Variants in GULP1 observed in about 807,000 individuals in gnomAD.
The protein encoded by GULP1 is GULP PTB domain containing engulfment adaptor 1.
A neutral mutation model predicts 40.9 loss-of-function variants in GULP1; 19 were observed. The observed-to-expected ratio is 0.46, with a 90% CI of 0.32 to 0.68. The LOEUF (loss-of-function observed/expected upper bound fraction) is 0.68, where lower values mean the gene tolerates loss of function less well. Among genes scored for constraint, GULP1 ranks in the 30% least tolerant of loss-of-function variants. GULP1 has a pLI of 0.03. For synonymous variants in GULP1, 119 were observed against 117.6 expected (o/e 1.01, Z -0.08); for missense variants, 312 against 362.2 (o/e 0.86, Z 1.12).
intron 1 of GULP1, among the ~76,000 whole-genome samples, chr2:188,348,887 C>A (rs1471409836): frequency 6.6e-6 from 1 of 152,078 alleles, no homozygotes; most frequent in African/African-American, 2.4e-5. Context: ...GCAATAGTTG[C>A]CTAAGTATGA....
intron 1 of GULP1, among the ~76,000 whole-genome samples, chr2:188,378,333 A>C (rs953374275): frequency 6.6e-6 from 1 of 152,134 alleles, no homozygotes; most frequent in Non-Finnish European, 1.5e-5. Context: ...ATGGGCAAAA[A>C]AAATTATAAG....
At chr2:188,575,742 G>T (rs1700047220) in intron 9 of GULP1, among the ~76,000 whole-genome samples, 1 of 83,812 alleles carries the variant, frequency 1.2e-5, no homozygotes, top group African/African-American at 3.4e-5. Flanking sequence ...ACAGGCAATG[G>T]CAAAGGATTG....
At chr2:188,390,479 G>T (rs1170403213) in intron 2 of GULP1, among the ~76,000 whole-genome samples, 2 of 151,856 alleles carry the variant, frequency 1.3e-5, no homozygotes, top group Non-Finnish European at 2.9e-5. Flanking sequence ...TTTTCTTGCT[G>T]ATTTATTTAA....
chr2:188,502,696 A>C (rs1026011680), intron 4 of GULP1, among the ~76,000 whole-genome samples: 2 of 151,948 alleles, frequency 1.3e-5, no homozygotes, highest in African/African-American at 4.8e-5. Flanking sequence ...AAAATTGTGC[A>C]GTAATTTAAT....
chr2:188,378,170 G>A (rs1274593499), intron 1 of GULP1, among the ~76,000 whole-genome samples: 2 of 151,644 alleles, frequency 1.3e-5, no homozygotes, highest in Non-Finnish European at 2.9e-5. Flanking sequence ...TCCTGTCAAG[G>A]CAACATAGTT....
intron 9 of GULP1, among the ~76,000 whole-genome samples, chr2:188,574,650 AAAAC>A (rs985847379): frequency 6.6e-6 from 1 of 152,098 alleles, no homozygotes; most frequent in South Asian, 2.1e-4. Flanking sequence ...CCCTGTCTCA[AAAAC>A]AAACAAACAA....
rs527311349 is a variant in GULP1 at position 188,563,102 on chromosome 2, T to G, written c.400-6137T>G. Among the ~76,000 whole-genome samples the G allele has an allele frequency of 9.8e-4, 149 of 152,164 alleles. 1 individual carries two copies. The highest frequency in any genetic ancestry group is 1.2e-3 in the Non-Finnish European group (84 of 67,928). On this transcript the variant is annotated intron_variant, in intron 7 of 11. Transcript: ENST00000409830. ...AAAATTAATCATTTTAGTCCTGACA[T>G]AAAGTTAAATGAAAACAAGAAAAAC... is the stretch of plus-strand genomic sequence containing the variant.
At chr2:188,374,942 A>G (rs2048109171) in intron 1 of GULP1, among the ~76,000 whole-genome samples, 1 of 152,188 alleles carries the variant, frequency 6.6e-6, no homozygotes, top group Non-Finnish European at 1.5e-5. Context: ...AACAGTTTAA[A>G]TGGTAAAATA....
intron 2 of GULP1, among the ~76,000 whole-genome samples, chr2:188,401,004 T>C (rs1350959281): frequency 6.6e-6 from 1 of 151,404 alleles, no homozygotes; most frequent in Non-Finnish European, 1.5e-5. Flanking sequence ...GAATCAGTTT[T>C]GGATATTTCT....
intron 2 of GULP1, among the ~76,000 whole-genome samples, chr2:188,468,302 T>G (rs892788387): frequency 1.3e-5 from 2 of 152,186 alleles, no homozygotes; most frequent in African/African-American, 4.8e-5. Flanking sequence ...TATAGTTTTG[T>G]TACTCAGATG....
intron 1 of GULP1, among the ~76,000 whole-genome samples, chr2:188,326,062 G>A (rs2040719887): frequency 6.6e-6 from 1 of 152,016 alleles, no homozygotes; most frequent in South Asian, 2.1e-4. Context: ...TGGGTTTTTA[G>A]TACTTCCTGA....
chr2:188,461,586 G>C (rs1038433488), intron 2 of GULP1, among the ~76,000 whole-genome samples: 2 of 151,792 alleles, frequency 1.3e-5, no homozygotes, highest in African/African-American at 2.4e-5. Flanking sequence ...ATTATAGGCT[G>C]AACCACCGTG....
At chr2:188,578,661 C>T (rs1211771016) in intron 9 of GULP1, among the ~76,000 whole-genome samples, 2 of 151,868 alleles carry the variant, frequency 1.3e-5, no homozygotes, top group African/African-American at 4.8e-5. Flanking sequence ...AATTTTTGAG[C>T]ACAGAATTCC....
chr2:188,469,763 A>G (rs1039709309), intron 2 of GULP1, among the ~76,000 whole-genome samples: 1 of 152,106 alleles, frequency 6.6e-6, no homozygotes, highest in Non-Finnish European at 1.5e-5. Context: ...TTATCATGAA[A>G]GATGTTGAAT....
chr2:188,385,793 A>G (rs188477060), intron 2 of GULP1, among the ~76,000 whole-genome samples: 3 of 152,246 alleles, frequency 2.0e-5, no homozygotes, highest in East Asian at 1.9e-4. Flanking sequence ...TCTTTCCTAA[A>G]ACATAACAAG....
At chr2:188,575,279 G>T (rs1699947891) in intron 9 of GULP1, among the ~76,000 whole-genome samples, 1 of 152,072 alleles carries the variant, frequency 6.6e-6, no homozygotes, top group East Asian at 1.9e-4. Context: ...GTATACATTT[G>T]ATATAGTTGT....
chr2:188,297,297 A>G (rs921020585), intron 1 of GULP1, among the ~76,000 whole-genome samples: 8 of 151,900 alleles, frequency 5.3e-5, no homozygotes, highest in East Asian at 1.9e-4. Context: ...AGCCCTTTCT[A>G]CTCTTCTTAA....
At chr2:188,402,669 TAGGA>T (rs1287523941) in intron 2 of GULP1, among the ~76,000 whole-genome samples, 1 of 152,018 alleles carries the variant, frequency 6.6e-6, no homozygotes, top group Non-Finnish European at 1.5e-5. Flanking sequence ...TTGGCTTAGT[TAGGA>T]GTACAAACTT....
rs75325576 is a variant in GULP1, at chr2:188,509,320, T to C, written c.91-13436T>C. 1.1e-4 allele frequency among the ~76,000 whole-genome samples: 16 copies of C among 152,244 alleles called. No individual in the cohort carries two copies. The East Asian group carries it at 2.7e-3, about 26-fold the overall frequency. ...TTTACGGTTCCTTGTGTTGAATCTT[T>C]AAACCTGGAAGGTAAAACAGGATCC... On this transcript the variant is annotated intron_variant, in intron 4 of 11. Transcript: ENST00000409830.
Sources: allele counts gnomAD v4.1 joint callset (sites outside exome capture counted in the v4.1 genomes callset), GRCh38; gene constraint gnomAD v4.1.1; transcripts MANE v1.5; gene names NCBI Gene and HGNC (gene_info 2026-07-23, HGNC 2026-07-21).